KLF8: variants seen among roughly 807,000 people sequenced by gnomAD.
The protein encoded by KLF8 is Krueppel-like factor 8.
KLF8 carries 10 observed loss-of-function variants against 18.2 expected under a neutral mutation model. The observed-to-expected ratio is 0.55, with a 90% CI of 0.34 to 0.93. KLF8 has a LOEUF of 0.93. Ranked by LOEUF, KLF8 falls within the 40% of genes least tolerant of loss-of-function variation. The pLI is 0.02. For synonymous variants in KLF8, 109 were observed against 97.3 expected (o/e 1.12, Z -0.71); for missense variants, 264 against 277.9 (o/e 0.95, Z 0.36).
At chrX:55,990,179 A>G in the KLF8 span, among the ~76,000 whole-genome samples, 1 of 111,738 alleles carries the variant, frequency 8.9e-6, no homozygotes, top group East Asian at 2.8e-4. Flanking sequence ...GATTTTTTGA[A>G]GGGATTTTTG....
At chrX:56,217,704 C>G in the KLF8 span, among the ~76,000 whole-genome samples, 8 of 111,729 alleles carry the variant, frequency 7.2e-5, no homozygotes, top group Non-Finnish European at 1.1e-4. Context: ...CAGGTGTGAG[C>G]CACCGCACCC....
chrX:56,084,545 A>G, the KLF8 span, among the ~76,000 whole-genome samples: 8 of 112,373 alleles, frequency 7.1e-5, no homozygotes, highest in African/African-American at 1.3e-4. Flanking sequence ...ATATAATTTT[A>G]AGAGGCAGAA....
chrX:56,041,316 G>T, the KLF8 span, among the ~76,000 whole-genome samples: 1 of 110,446 alleles, frequency 9.1e-6, no homozygotes, highest in African/African-American at 3.3e-5. Flanking sequence ...TAAAGACAAG[G>T]TTTCACCATG....
At chrX:56,272,483 T>TTAC (rs2067070009) in intron 5 of KLF8, among the ~76,000 whole-genome samples, 1 of 111,605 alleles carries the variant, frequency 9.0e-6, no homozygotes, top group Non-Finnish European at 1.9e-5. Flanking sequence ...AGTGTTGGGA[T>TTAC]TACAGACGTG....
At chrX:56,073,322 A>G in the KLF8 span, among the ~76,000 whole-genome samples, 1 of 112,185 alleles carries the variant, frequency 8.9e-6, no homozygotes, top group Non-Finnish European at 1.9e-5. Flanking sequence ...ATATTGTAGT[A>G]TGTATCATAA....
At chrX:56,238,715 C>T (rs780082532) in intron 1 of KLF8, among the ~76,000 whole-genome samples, 16 of 111,949 alleles carry the variant, frequency 1.4e-4, no homozygotes, top group African/African-American at 5.2e-4. Context: ...TACCGCAGTA[C>T]TCATAGAATA....
At chrX:56,156,178 T>C in the KLF8 span, among the ~76,000 whole-genome samples, 1 of 112,426 alleles carries the variant, frequency 8.9e-6, no homozygotes, top group Non-Finnish European at 1.9e-5. Flanking sequence ...TTTAAAATAA[T>C]TGTTTATGTT....
chrX:56,247,308 A>G (rs1211001128), intron 1 of KLF8, among the ~76,000 whole-genome samples: 1 of 111,689 alleles, frequency 9.0e-6, no homozygotes, highest in East Asian at 2.8e-4. Flanking sequence ...AAAATGGTGT[A>G]CCTGAACACC....
the KLF8 span, among the ~76,000 whole-genome samples, chrX:55,971,125 A>G: frequency 8.9e-6 from 1 of 111,832 alleles, no homozygotes; most frequent in Non-Finnish European, 1.9e-5. Context: ...AGCAAAAAGA[A>G]GAAAACTGGA....
the KLF8 span, among the ~76,000 whole-genome samples, chrX:56,023,438 G>A: frequency 2.7e-5 from 3 of 111,611 alleles, no homozygotes; most frequent in Non-Finnish European, 5.6e-5. Flanking sequence ...GACACAAACA[G>A]GATGAAAAAG....
chrX:56,186,136 A>T, the KLF8 span, among the ~76,000 whole-genome samples: 1 of 112,162 alleles, frequency 8.9e-6, no homozygotes, highest in South Asian at 3.7e-4. Context: ...AACCCATCTC[A>T]TGTGCAGAGA....
At chrX:56,280,358 G>A (rs939510951) in intron 5 of KLF8, among the ~76,000 whole-genome samples, 3 of 110,936 alleles carry the variant, frequency 2.7e-5, no homozygotes, top group Non-Finnish European at 5.7e-5. Flanking sequence ...CTTAACCTCT[G>A]GAGTAGCTGG....
chrX:55,922,587 G>T, the KLF8 span, among the ~76,000 whole-genome samples: 1 of 112,114 alleles, frequency 8.9e-6, no homozygotes, highest in East Asian at 2.8e-4. Flanking sequence ...TAACAAACCT[G>T]CACGTCCTGC....
the KLF8 span, among the ~76,000 whole-genome samples, chrX:56,202,357 C>A: frequency 9.1e-6 from 1 of 110,416 alleles, no homozygotes; most frequent in African/African-American, 3.3e-5. Context: ...TACAGGCATG[C>A]GATGTGAAAG....
the KLF8 span, among the ~76,000 whole-genome samples, chrX:56,181,214 T>A: frequency 8.9e-6 from 1 of 111,913 alleles, no homozygotes; most frequent in African/African-American, 3.2e-5. Flanking sequence ...TACCATTATG[T>A]AATGGCCTTT....
intron 3 of KLF8, chrX:56,267,017 A>G: frequency 2.3e-5 from 17 of 754,192 alleles, no homozygotes; most frequent in Middle Eastern, 7.6e-4. Flanking sequence ...AAACAAACCA[A>G]AAAAAGGAAA....
At chrX:56,206,401 T>A in the KLF8 span, among the ~76,000 whole-genome samples, 1 of 112,016 alleles carries the variant, frequency 8.9e-6, no homozygotes, top group Non-Finnish European at 1.9e-5. Flanking sequence ...AAAAGCTAGT[T>A]AGTTACTTCC....
At chrX:56,187,036 T>G in the KLF8 span, among the ~76,000 whole-genome samples, 2 of 110,442 alleles carry the variant, frequency 1.8e-5, no homozygotes, top group Admixed American at 1.9e-4. Context: ...ACAGCAGAAC[T>G]GAAGGAAAGA....
chrX:56,157,916 T>G, the KLF8 span, among the ~76,000 whole-genome samples: 2 of 112,050 alleles, frequency 1.8e-5, no homozygotes, highest in African/African-American at 6.5e-5. Context: ...TTGTCAATTT[T>G]GTCTTTTGTT....
Sources: gnomAD v4.1 joint callset for allele counts (sites outside exome capture counted in the v4.1 genomes callset) on GRCh38, gnomAD v4.1.1 for gene constraint, MANE v1.5 for transcripts, NCBI Gene and HGNC (gene_info 2026-07-23, HGNC 2026-07-21) for gene names.